The following RAB27B variants were observed in gnomAD, a reference collection of about 807,000 sequenced individuals.
RAB27B encodes the protein RAB27B, member RAS oncogene family.
In RAB27B, 15 loss-of-function variants were observed where a neutral mutation model predicts 24.6. The ratio of observed to expected loss-of-function variants is 0.61; its 90% CI spans 0.41 to 0.94. The LOEUF (loss-of-function observed/expected upper bound fraction) is 0.94. RAB27B is among the 40% of genes least tolerant of loss of function. The pLI, the probability that RAB27B is intolerant of heterozygous loss-of-function variation, is 0.00. For synonymous variants in RAB27B, 105 were observed against 92.5 expected (o/e 1.14, Z -0.78); for missense variants, 261 against 266.8 (o/e 0.98, Z 0.15).
intron 2 of RAB27B, among the ~76,000 whole-genome samples, chr18:54,785,719 G>T (rs1184169707): frequency 1.3e-5 from 2 of 152,126 alleles, no homozygotes; most frequent in Admixed American, 1.3e-4. Context: ...AACATGAAAG[G>T]TATTAAATAG....
At chr18:54,879,499 AACTT>A (rs1912837935) in intron 3 of RAB27B, 45 bp downstream of exon 3, 1 of 1,471,260 alleles carries the variant, frequency 6.8e-7, no homozygotes, top group South Asian at 1.1e-5. Flanking sequence ...AGCTTAGAAA[AACTT>A]ACTTTAAAAT....
chr18:54,744,130 C>T lies in RAB27B; in HGVS notation c.-20+25989C>T, dbSNP rs543816226. ...TTATATGAAGAAGATAGATTGATTTCATTCATTGGAAAGTGTGTGAGCCAT... is the reference window on the plus strand; with the variant it reads ...TTATATGAAGAAGATAGATTGATTTTATTCATTGGAAAGTGTGTGAGCCAT... On this transcript the variant is annotated intron_variant, in intron 2 of 4. Transcript: ENST00000586570. Among the ~76,000 whole-genome samples the T allele has an allele frequency of 3.9e-4, 59 of 152,248 alleles. No homozygotes were observed. In the South Asian group the frequency reaches 0.011, roughly 29 times the overall value.
At chr18:54,765,383 C>T (rs746938503) in intron 2 of RAB27B, among the ~76,000 whole-genome samples, 27 of 152,182 alleles carry the variant, frequency 1.8e-4, no homozygotes, top group Non-Finnish European at 3.2e-4. Context: ...CCAAGAATAA[C>T]ATGTTTCATT....
chr18:54,806,383 C>T (rs1276586687), intron 2 of RAB27B, among the ~76,000 whole-genome samples: 1 of 151,092 alleles, frequency 6.6e-6, no homozygotes, highest in Non-Finnish European at 1.5e-5. Flanking sequence ...GGAGCAGTCT[C>T]TCTTTTTATA....
At chr18:54,746,833 T>C (rs1038581503) in intron 2 of RAB27B, among the ~76,000 whole-genome samples, 2 of 152,188 alleles carry the variant, frequency 1.3e-5, no homozygotes. Context: ...CTTATTATAC[T>C]CAATCCACAA....
At chr18:54,728,046 G>A (rs899214198) in intron 2 of RAB27B, among the ~76,000 whole-genome samples, 18 of 152,008 alleles carry the variant, frequency 1.2e-4, no homozygotes, top group Admixed American at 5.2e-4. Context: ...GGACTTACAC[G>A]AAAGCCAGAA....
intron 2 of RAB27B, among the ~76,000 whole-genome samples, chr18:54,792,534 G>A (rs1041569297): frequency 2.6e-5 from 4 of 152,092 alleles, no homozygotes; most frequent in South Asian, 2.1e-4. Context: ...GAACACCCAC[G>A]TTAATGAACA....
intron 2 of RAB27B, among the ~76,000 whole-genome samples, chr18:54,725,039 T>G (rs1035890381): frequency 1.3e-5 from 2 of 151,506 alleles, no homozygotes; most frequent in Non-Finnish European, 3.0e-5. Context: ...TCAGTGGACC[T>G]CATTAGGGAT....
chr18:54,725,716 T>C (rs1909515638), intron 2 of RAB27B, among the ~76,000 whole-genome samples: 1 of 151,422 alleles, frequency 6.6e-6, no homozygotes, highest in African/African-American at 2.4e-5. Context: ...TCGTGAGAAC[T>C]AACTCACTAT....
intron 2 of RAB27B, among the ~76,000 whole-genome samples, chr18:54,736,663 A>C (rs1909904987): frequency 6.6e-6 from 1 of 152,288 alleles, no homozygotes; most frequent in East Asian, 1.9e-4. Flanking sequence ...TGCAGTCAAG[A>C]AAGTCATCTC....
At chr18:54,889,182 A>G (rs1357747266) in intron 5 of RAB27B, 42 bp from the exon 6 acceptor site, 2 of 1,558,230 alleles carry the variant, frequency 1.3e-6, no homozygotes, top group East Asian at 2.3e-5. Context: ...ATCTGTTCTG[A>G]TTTCTTCCTC....
chr18:54,846,924 C>G (rs1911363680), intron 1 of RAB27B, among the ~76,000 whole-genome samples: 4 of 151,332 alleles, frequency 2.6e-5, no homozygotes, highest in Admixed American at 2.6e-4. Flanking sequence ...GATCTCGGCT[C>G]ACTGCAAACT....
At chr18:54,750,084 T>A (rs1255186003) in intron 2 of RAB27B, among the ~76,000 whole-genome samples, 1 of 152,190 alleles carries the variant, frequency 6.6e-6, no homozygotes, top group Non-Finnish European at 1.5e-5. Context: ...TCATGCTATA[T>A]TTATGTGCAA....
intron 1 of RAB27B, among the ~76,000 whole-genome samples, chr18:54,833,118 G>T (rs182607671): frequency 2.6e-5 from 4 of 152,102 alleles, no homozygotes; most frequent in African/African-American, 7.2e-5. Flanking sequence ...ACAGTGAGCC[G>T]AAGCTTGGGA....
Position 54,724,433 on chromosome 18 carries a change from C to T in RAB27B, c.-20+6292C>T, listed in dbSNP as rs142067757. On this transcript the variant is annotated intron_variant, in intron 2 of 4. Transcript: ENST00000586570. ...ATGGGAGGTGACAGCCCAATAATAC[C>T]GTATTACTGGCTGGGTGCCGTGGCT... Among the ~76,000 whole-genome samples the T allele has an allele frequency of 1.3e-3, 201 of 151,414 alleles. 6 individuals carry two copies. Among genetic ancestry groups the T allele is most frequent in the Non-Finnish European group, 2.3e-3 (158 of 67,710 alleles).
intron 1 of RAB27B, among the ~76,000 whole-genome samples, chr18:54,837,960 A>T (rs1374433382): frequency 2.6e-5 from 4 of 152,102 alleles, no homozygotes. Context: ...GTCGTGTCTC[A>T]ATCAGGAATA....
chr18:54,796,480 G>A (rs1427420351), intron 2 of RAB27B, among the ~76,000 whole-genome samples: 1 of 152,142 alleles, frequency 6.6e-6, no homozygotes, highest in African/African-American at 2.4e-5. Context: ...GATGGAGGTG[G>A]TTCTCAGTGA....
chr18:54,852,296 G>A (rs1911617829), intron 1 of RAB27B, among the ~76,000 whole-genome samples: 1 of 152,070 alleles, frequency 6.6e-6, no homozygotes. Flanking sequence ...GGGATCTGAG[G>A]CCCAGGTTAA....
chr18:54,832,485 T>C (rs1226902655), intron 1 of RAB27B, among the ~76,000 whole-genome samples: 1 of 152,232 alleles, frequency 6.6e-6, no homozygotes, highest in Non-Finnish European at 1.5e-5. Context: ...CTTTTGCATA[T>C]ATGAATCTGG....
Sources: allele counts gnomAD v4.1 joint callset (sites outside exome capture counted in the v4.1 genomes callset), GRCh38; gene constraint gnomAD v4.1.1; transcripts MANE v1.5; gene names NCBI Gene and HGNC (gene_info 2026-07-23, HGNC 2026-07-21).